ARID3A: variants seen among roughly 807,000 people sequenced by gnomAD.
ARID3A encodes AT-rich interactive domain-containing protein 3A.
In ARID3A, 11 loss-of-function variants were observed where a neutral mutation model predicts 52.7. The observed-to-expected ratio is 0.21, with a 90% confidence interval of 0.13 to 0.35. The LOEUF (loss-of-function observed/expected upper bound fraction) is 0.35. Among genes scored for constraint, ARID3A ranks in the 10% least tolerant of loss-of-function variants. The pLI, the probability that ARID3A is intolerant of heterozygous loss-of-function variation, is 1.00. For synonymous variants in ARID3A, 404 were observed against 359.4 expected, an observed-to-expected ratio of 1.12 and a Z score of -1.40; for missense variants, 721 against 838.5, an observed-to-expected ratio of 0.86 and a Z score of 1.73.
Position 929,293 on chromosome 19 carries a change from C to T in ARID3A, c.-236C>T, listed in dbSNP as rs901217151. 5.4e-5 allele frequency: 21 copies of T among 390,482 alleles called. No homozygotes were observed. Among genetic ancestry groups the T allele is most frequent in the Non-Finnish European group, 8.2e-5 (21 of 257,156 alleles). The allele number at this position is 390,482 out of a possible 1,614,324, so 24.2% of individuals were successfully genotyped here. A position where few individuals can be genotyped will look rare whatever the true frequency, so the allele number is the denominator to read the frequency against. ...GCAAATGCGTGAATGAGCCGGATGC[C>T]AGCCTCTGTCCCCTGGAGCCCAGCG... On this transcript the variant is annotated 5_prime_UTR_variant, in exon 2 of 9. Transcript: ENST00000263620. The surrounding 1 kb of genome is among the most constrained non-coding windows in gnomAD (Gnocchi z 6.2).
At chr19:950,109 G>A (rs1328999512) in intron 3 of ARID3A, among the ~76,000 whole-genome samples, 1 of 97,462 alleles carries the variant, frequency 1.0e-5, no homozygotes, top group Admixed American at 9.6e-5. Flanking sequence ...GGATGAGGCC[G>A]TCCCCAGAGT....
At chr19:946,425 C>T (rs2145402943) in intron 3 of ARID3A, among the ~76,000 whole-genome samples, 1 of 138,006 alleles carries the variant, frequency 7.2e-6, no homozygotes, top group Middle Eastern at 4.3e-3. Context: ...CCACGCCCGG[C>T]TAATTTTTTG....
rs2037635143 is a variant in ARID3A at position 944,531 on chromosome 19, C to A, written c.693+11789C>A. Among the ~76,000 whole-genome samples, 1 of 152,170 alleles carries A rather than the reference C, an allele frequency of 6.6e-6. No individual in the cohort carries two copies. The highest frequency in any genetic ancestry group is 2.4e-5 in the African/African-American group (1 of 41,442). On this transcript the variant is annotated intron_variant, in intron 3 of 8. Transcript: ENST00000263620. The surrounding 1 kb of genome is among the most constrained non-coding windows in gnomAD (Gnocchi z 5.9). ...CACGCTCACTGCTACAAATGTGGGT[C>A]TTCCGGGCAAGTGAGCGTCCCCCAC... is the stretch of plus-strand genomic sequence containing the variant.
intron 6 of ARID3A, chr19:965,350 T>TACGGCGAC: frequency 2.3e-6 from 1 of 432,716 alleles, no homozygotes; most frequent in African/African-American, 2.0e-5. Context: ...TACTAATTGA[T>TACGGCGAC]CACTGTTTTT....
At chr19:966,473 A>G in intron 6 of ARID3A, 99 bp from the exon 7 acceptor site, 1 of 1,080,022 alleles carries the variant, frequency 9.3e-7, no homozygotes, top group Non-Finnish European at 1.3e-6. Context: ...AAAAAAAAAA[A>G]AAGAAAAGAA....
chr19:947,022 T>G lies in ARID3A; in HGVS notation c.694-13070T>G, dbSNP rs1391222650. Among the ~76,000 whole-genome samples, 1 of 151,728 alleles carries G rather than the reference T, an allele frequency of 6.6e-6. No individual in the cohort carries two copies. Among genetic ancestry groups the G allele is most frequent in the African/African-American group, 2.4e-5 (1 of 41,226 alleles). On this transcript the variant is annotated intron_variant, in intron 3 of 8. Transcript: ENST00000263620. This position sits in a 1 kb window ranked among gnomAD's most constrained non-coding sequence, Gnocchi z 6.3. ...ATTGCCCAGGCGGGTCTCAAACTCCTGGGCTCGAGCAGTCTGCCCACCTCG... is the reference window on the plus strand; with the variant it reads ...ATTGCCCAGGCGGGTCTCAAACTCCGGGGCTCGAGCAGTCTGCCCACCTCG...
chr19:956,086 G>A (rs899554900), intron 3 of ARID3A, among the ~76,000 whole-genome samples: 1 of 152,126 alleles, frequency 6.6e-6, no homozygotes, highest in South Asian at 2.1e-4. Context: ...ATTTGATCAC[G>A]TCTGCAAAGG....
rs561312607 is a variant in ARID3A, at chr19:929,251, T to C, written c.-267-11T>C. The C allele has an allele frequency of 2.4e-4, 56 of 230,762 alleles. No homozygotes were observed. In the South Asian group the frequency reaches 2.5e-3, roughly 10 times the overall value. 14.3% of individuals were successfully genotyped at this position (230,762 alleles called of 1,614,324 possible). Reference sequence around the variant, plus strand: ...CAGGCCTGCTCTGACTGTGCCTTTTTTCCCCCTCAGGTTTCTGCAAATGCG... The same window carrying C: ...CAGGCCTGCTCTGACTGTGCCTTTTCTCCCCCTCAGGTTTCTGCAAATGCG... On this transcript the variant is annotated splice_polypyrimidine_tract_variant and intron_variant, in intron 1 of 8. Coordinates refer to ENST00000263620, the MANE Select transcript of ARID3A (RefSeq NM_005224.3). The surrounding 1 kb of genome is among the most constrained non-coding windows in gnomAD (Gnocchi z 6.2).
In ARID3A at chr19:964,286, G is replaced by T; in HGVS notation, c.805G>T (p.Val269Phe). Reference sequence around the variant, plus strand: ...CCGCATCCCCATCATGGCCAAACAGGTCCTTGACCTGTTCATGCTGTACGT... The same window carrying T: ...CCGCATCCCCATCATGGCCAAACAGTTCCTTGACCTGTTCATGCTGTACGT... ...VNRIPIMAKQVLDLFMLYVLV... is the reference protein window; with the variant it reads ...VNRIPIMAKQFLDLFMLYVLV... The change falls in exon 5 of 9, where the codon GTC (valine) becomes TTC (phenylalanine). Residue 269 changes from valine to phenylalanine, a missense_variant. This residue lies in a region of ARID3A where 43 missense variants were observed against 143.7 expected (regional missense o/e 0.30). Coordinates refer to ENST00000263620, the MANE Select transcript of ARID3A (RefSeq NM_005224.3). The surrounding 1 kb of genome is among the most constrained non-coding windows in gnomAD (Gnocchi z 5.7). The T allele has an allele frequency of 6.2e-7, 1 of 1,614,050 alleles. No homozygotes were observed. Among genetic ancestry groups the T allele is most frequent in the Non-Finnish European group, 8.5e-7 (1 of 1,179,950 alleles).
rs764241109 is a variant in ARID3A at position 929,685 on chromosome 19, C to T, written c.157C>T (p.Arg53Trp). 1.8e-5 allele frequency: 28 copies of T among 1,559,952 alleles called. No individual in the cohort carries two copies. The highest frequency in any genetic ancestry group is 7.0e-5 in the East Asian group (3 of 42,916). ...CGAGGACAGAGAGCCCGAGAGTGCC[C>T]GGATGCAGCGGGCTCAGATGGCCGC... is the stretch of plus-strand genomic sequence containing the variant. Reference protein sequence around the residue: ...PDEDREPESARMQRAQMAALA... With the variant: ...PDEDREPESAWMQRAQMAALA... The change falls in exon 2 of 9, where the codon CGG (arginine) becomes TGG (tryptophan). Residue 53 changes from arginine (R) to tryptophan (W), a missense_variant. Around this residue, in one of 5 missense-constraint regions of ARID3A, gnomAD observed 349 missense variants for 297.3 expected, o/e 1.17. Transcript: ENST00000263620. This position sits in a 1 kb window ranked among gnomAD's most constrained non-coding sequence, Gnocchi z 6.2.
chr19:927,112 A>G (rs2037216967), intron 1 of ARID3A, among the ~76,000 whole-genome samples: 1 of 151,140 alleles, frequency 6.6e-6, no homozygotes, highest in Non-Finnish European at 1.5e-5. Flanking sequence ...GGGGCCTTGC[A>G]CAACTCTTTA....
At chr19:953,155 G>A (rs1025188900) in intron 3 of ARID3A, among the ~76,000 whole-genome samples, 3 of 151,970 alleles carry the variant, frequency 2.0e-5, no homozygotes, top group Admixed American at 1.3e-4. Flanking sequence ...CCGGGCAGCC[G>A]GGGAACCCCC....
chr19:963,523 G>A (rs1373375021), intron 4 of ARID3A, among the ~76,000 whole-genome samples: 1 of 152,190 alleles, frequency 6.6e-6, no homozygotes. Flanking sequence ...AGCCCTGGAG[G>A]GGGCAGGTAG....
chr19:966,463 A>C (rs1207213514), intron 6 of ARID3A, 109 bp from the exon 7 acceptor site: 2 of 980,754 alleles, frequency 2.0e-6, no homozygotes, highest in East Asian at 5.9e-5. Flanking sequence ...CGTCTCAAAA[A>C]AAAAAAAAAA....
chr19:953,215 C>T (rs1197992441), intron 3 of ARID3A, among the ~76,000 whole-genome samples: 1 of 152,304 alleles, frequency 6.6e-6, no homozygotes, highest in East Asian at 1.9e-4. Flanking sequence ...TGTCCGCCAG[C>T]AGACTCCACT....
rs2037359404 is a variant in ARID3A at position 932,702 on chromosome 19, C to T, written c.653C>T (p.Pro218Leu). 6.5e-7 allele frequency: 1 copy of T among 1,547,198 alleles called. No individual in the cohort carries two copies. Among genetic ancestry groups the T allele is most frequent in the Admixed American group, 2.0e-5 (1 of 50,966 alleles). Residue 218 changes from proline (P) to leucine (L), a missense_variant, in exon 3 of 9, where the codon CCT becomes CTT. This residue lies in a region of ARID3A where 27 missense variants were observed against 35.7 expected (regional missense o/e 0.76). Coordinates refer to ENST00000263620, the MANE Select transcript of ARID3A (RefSeq NM_005224.3). ...AAHVAPQLQP[P>L]DHGDWTYEEQ... ...CACGTAGCCCCGCAGCTGCAGCCGC[C>T]TGACCACGGCGACTGGACTTACGAG...
chr19:940,213 T>C (rs2145380614), intron 3 of ARID3A, among the ~76,000 whole-genome samples: 1 of 152,276 alleles, frequency 6.6e-6, no homozygotes. Context: ...GCCAACTTTT[T>C]GGCTTCCCTG....
chr19:939,804 C>T (rs1168059307), intron 3 of ARID3A, among the ~76,000 whole-genome samples: 1 of 152,078 alleles, frequency 6.6e-6, no homozygotes, highest in Admixed American at 6.6e-5. Context: ...CTGTAACGAA[C>T]ATCTTCGGGG....
chr19:963,534 G>T, intron 4 of ARID3A, among the ~76,000 whole-genome samples: 2 of 152,304 alleles, frequency 1.3e-5, no homozygotes, highest in South Asian at 2.1e-4. Flanking sequence ...GGGCAGGTAG[G>T]GCTGGAAGGG....
Sources: allele counts gnomAD v4.1 joint callset (sites outside exome capture counted in the v4.1 genomes callset), GRCh38; gene constraint gnomAD v4.1.1; regional missense constraint gnomAD v4.1.1; non-coding constraint Gnocchi (gnomAD v3.1); transcripts MANE v1.5; gene names NCBI Gene and HGNC (gene_info 2026-07-23, HGNC 2026-07-21).